BIVM: variants seen among roughly 807,000 people sequenced by gnomAD.
BIVM encodes the protein basic, immunoglobulin-like variable motif containing.
BIVM carries 31 observed loss-of-function variants against 61.4 expected under a neutral mutation model. The observed-to-expected ratio is 0.51, with a 90% CI of 0.38 to 0.68. The LOEUF (loss-of-function observed/expected upper bound fraction) is 0.68, where lower values mean the gene tolerates loss of function less well. Among genes scored for constraint, BIVM ranks in the 30% least tolerant of loss-of-function variants. BIVM has a pLI of 0.00. For synonymous variants in BIVM, 189 were observed against 210.7 expected (o/e 0.90, Z 0.89); for missense variants, 526 against 596.0 (o/e 0.88, Z 1.22).
chr13:102,808,885 C>T (rs1879289243), intron 3 of BIVM, among the ~76,000 whole-genome samples: 1 of 152,048 alleles, frequency 6.6e-6, no homozygotes, highest in Non-Finnish European at 1.5e-5. Context: ...GTTGACAACT[C>T]CTTTTGCATC....
intron 1 of BIVM, chr13:102,800,577 C>A (rs1342076546): frequency 5.3e-5 from 8 of 152,260 alleles, no homozygotes; most frequent in Admixed American, 3.9e-4. Flanking sequence ...CTACTCCGTC[C>A]CGGCGGCCTC....
intron 3 of BIVM, among the ~76,000 whole-genome samples, chr13:102,811,548 A>G (rs1879498603): frequency 6.6e-6 from 1 of 151,978 alleles, no homozygotes; most frequent in Non-Finnish European, 1.5e-5. Flanking sequence ...TTTGATACGG[A>G]GTTTTGTTCT....
intron 7 of BIVM, among the ~76,000 whole-genome samples, chr13:102,831,097 TATTTTAACCTA>T (rs923714119): frequency 6.6e-6 from 1 of 152,248 alleles, no homozygotes; most frequent in African/African-American, 2.4e-5. Flanking sequence ...AGAACTTCTA[TATTTTAACCTA>T]ATTTTAAATT....
At chr13:102,800,308 C>T (rs1040198609) in intron 1 of BIVM, 2 of 152,262 alleles carry the variant, frequency 1.3e-5, no homozygotes, top group Non-Finnish European at 2.9e-5. Flanking sequence ...AGGCGGTCAC[C>T]CCCGGGCCTC....
At chr13:102,804,948 C>T (rs1321956229) in intron 1 of BIVM, among the ~76,000 whole-genome samples, 3 of 152,180 alleles carry the variant, frequency 2.0e-5, no homozygotes, top group Non-Finnish European at 4.4e-5. Context: ...GAATCGTCTT[C>T]TATTTCTTGC....
intron 9 of BIVM, 149 bp from the exon 10 acceptor site, chr13:102,838,494 G>A (rs766678417): frequency 8.7e-5 from 55 of 629,690 alleles, no homozygotes; most frequent in Non-Finnish European, 1.3e-4. Context: ...AGTTATTACA[G>A]TTTAGTAGAT....
chr13:102,803,617 G>T (rs1878879339), intron 1 of BIVM, among the ~76,000 whole-genome samples: 1 of 152,084 alleles, frequency 6.6e-6, no homozygotes, highest in Non-Finnish European at 1.5e-5. Context: ...CTGAGATGAG[G>T]ATATAAAAGG....
intron 9 of BIVM, among the ~76,000 whole-genome samples, chr13:102,838,133 A>T (rs943247): frequency 0.97 from 148,123 of 152,366 alleles, 72,046 homozygotes; most frequent in East Asian, 1. Flanking sequence ...TGATTTTTTT[A>T]AAATTTCATT....
intron 7 of BIVM, among the ~76,000 whole-genome samples, chr13:102,827,073 G>A (rs1880722351): frequency 6.6e-6 from 1 of 152,106 alleles, no homozygotes; most frequent in Non-Finnish European, 1.5e-5. Context: ...CAACTGTCTT[G>A]TCCAACTTTA....
rs983014729 is a variant in BIVM, at chr13:102,810,970, A to G, written c.478+3225A>G. Among the ~76,000 whole-genome samples, 10 of 152,226 alleles carry G rather than the reference A, an allele frequency of 6.6e-5. No individual in the cohort carries two copies. In the East Asian group the frequency reaches 1.5e-3, roughly 23 times the overall value. On this transcript the variant is annotated intron_variant, in intron 3 of 10. Coordinates refer to ENST00000257336, the MANE Select transcript of BIVM (RefSeq NM_017693.4). ...GGTCTTGAACTCCTGGGCTCAAGCA[A>G]TCCTCCTGCCTCGGCCTTCCAAAGT...
chr13:102,821,689 A>T, intron 5 of BIVM, 54 bp from the exon 6 acceptor site: 1 of 1,529,670 alleles, frequency 6.5e-7, no homozygotes, highest in Non-Finnish European at 9.0e-7. Flanking sequence ...GACAGGCTGT[A>T]TTTGCGTATG....
chr13:102,807,559 A>C lies in BIVM; in HGVS notation c.292A>C (p.Thr98Pro). 6.2e-7 allele frequency: 1 copy of C among 1,614,158 alleles called. No individual in the cohort carries two copies. Among genetic ancestry groups the C allele is most frequent in the South Asian group, 1.1e-5 (1 of 91,092 alleles). ...CCGCTCTCCTTGCCTCCCTGATAGT[A>C]CCTCTTTATCTGCTGGAAATAATTC... is the stretch of plus-strand genomic sequence containing the variant. ...PSRSPCLPDS[T>P]SLSAGNNSSR... Residue 98 changes from threonine to proline, a missense_variant, in exon 3 of 11, where the codon ACC (threonine) becomes CCC (proline). Around this residue, in one of 3 missense-constraint regions of BIVM, gnomAD observed 312 missense variants for 343.8 expected, o/e 0.91. Coordinates refer to ENST00000257336, the MANE Select transcript of BIVM (RefSeq NM_017693.4). The surrounding 1 kb of genome is among the most constrained non-coding windows in gnomAD (Gnocchi z 4.0).
intron 7 of BIVM, among the ~76,000 whole-genome samples, chr13:102,828,204 C>T (rs754298480): frequency 2.6e-5 from 4 of 152,068 alleles, no homozygotes; most frequent in Non-Finnish European, 5.9e-5. Context: ...GTATTTTTTT[C>T]AGAGATGTCA....
chr13:102,831,517 A>G, intron 7 of BIVM, 48 bp from the exon 8 acceptor site: 2 of 1,611,496 alleles, frequency 1.2e-6, no homozygotes, highest in Admixed American at 1.7e-5. Flanking sequence ...TAAAGCATGG[A>G]CACTGCTTTA....
chr13:102,835,105 G>A (rs868564411), intron 9 of BIVM, among the ~76,000 whole-genome samples: 13 of 152,086 alleles, frequency 8.5e-5, no homozygotes, highest in Middle Eastern at 3.4e-3. Context: ...CCCACCATGC[G>A]CGGTGGCTCA....
rs1211145889 is a variant in BIVM, at chr13:102,808,444, A to G, written c.478+699A>G. Among the ~76,000 whole-genome samples, 6 of 152,204 alleles carry G rather than the reference A, an allele frequency of 3.9e-5. No homozygotes were observed. The East Asian group carries it at 7.7e-4, about 20-fold the overall frequency. On this transcript the variant is annotated intron_variant, in intron 3 of 10. Transcript: ENST00000257336. Reference sequence around the variant, plus strand: ...TTGCAGAGTTAATAAGAGGAGGTCAAACTAGGATTTGTATTTACTTCTAGT... The same window carrying G: ...TTGCAGAGTTAATAAGAGGAGGTCAGACTAGGATTTGTATTTACTTCTAGT...
chr13:102,814,476 A>G (rs1343361673), intron 3 of BIVM, among the ~76,000 whole-genome samples: 7 of 152,160 alleles, frequency 4.6e-5, no homozygotes, highest in Admixed American at 4.6e-4. Context: ...GTGAGTACAG[A>G]CTGTTGGCAG....
chr13:102,839,632 C>T lies in BIVM; in HGVS notation c.1279C>T (p.Leu427Phe), dbSNP rs781014438. 1.9e-6 allele frequency: 3 copies of T among 1,614,106 alleles called. No individual in the cohort carries two copies. In the Admixed American group the frequency reaches 5.0e-5, roughly 27 times the overall value. ...GAGACTTAACTGGCAAAGATTTGGC[C>T]TTTGGAACTTTCCATTTGGAACCAT... ...FQRLNWQRFG[L>F]WNFPFGTIRQ... The change falls in exon 11 of 11, where the codon CTT becomes TTT. Residue 427 changes from leucine (L) to phenylalanine (F), a missense_variant. Around this residue, in one of 3 missense-constraint regions of BIVM, gnomAD observed 210 missense variants for 233.1 expected, o/e 0.90. Coordinates refer to ENST00000257336, the MANE Select transcript of BIVM (RefSeq NM_017693.4).
chr13:102,807,517 A>AAT lies in BIVM; in HGVS notation c.251_252insTA (p.Lys84AsnfsTer69), dbSNP rs1456254658. 1.9e-6 allele frequency: 3 copies of AAT among 1,614,204 alleles called. No individual in the cohort carries two copies. The highest frequency in any genetic ancestry group is 1.1e-5 in the South Asian group (1 of 91,082). ...TCTCAACCAGGCGACCTCAATCTAT[A>AAT]AAACTCCAAATCCATCCCGCTCTCC... On this transcript the variant is annotated frameshift_variant, in exon 3 of 11. Transcript: ENST00000257336. LOFTEE classifies it high-confidence loss of function. The surrounding 1 kb of genome is among the most constrained non-coding windows in gnomAD (Gnocchi z 4.0).
Sources: gnomAD v4.1 joint callset for allele counts (sites outside exome capture counted in the v4.1 genomes callset) on GRCh38, gnomAD v4.1.1 for gene constraint, gnomAD v4.1.1 regional missense constraint, Gnocchi (gnomAD v3.1) non-coding constraint, MANE v1.5 for transcripts, NCBI Gene and HGNC (gene_info 2026-07-23, HGNC 2026-07-21) for gene names.